The following SLC7A14 variants were observed in gnomAD, a reference collection of about 807,000 sequenced individuals.
The protein encoded by SLC7A14 is solute carrier family 7 member 14.
A neutral mutation model predicts 60.2 loss-of-function variants in SLC7A14; 37 were observed. The observed-to-expected ratio is 0.61, with a 90% CI of 0.47 to 0.81. The LOEUF is 0.81. SLC7A14 is among the 30% of genes least tolerant of loss of function. The pLI, the probability that SLC7A14 is intolerant of heterozygous loss-of-function variation, is 0.00. For missense variants in SLC7A14, 886 were observed against 982.7 expected (o/e 0.90, Z 1.32); for synonymous variants, 399 against 395.8 (o/e 1.01, Z -0.10).
chr3:170,501,205 C>T lies in SLC7A14; in HGVS notation c.445G>A (p.Ala149Thr), dbSNP rs1387220578. 6.2e-7 allele frequency: 1 copy of T among 1,614,208 alleles called. No homozygotes were observed. Among genetic ancestry groups the T allele is most frequent in the African/African-American group, 1.3e-5 (1 of 75,046 alleles). The change falls in exon 3 of 8, where the codon GCC becomes ACC. Residue 149 changes from alanine to threonine, a missense_variant. Coordinates refer to ENST00000231706, the MANE Select transcript of SLC7A14 (RefSeq NM_020949.3). ...ATGCTGCTCAGAGCACTGGCTCCGG[C>T]CGCAGTGCCAATCAGGTACTCCAGG... ...LILEYLIGTA[A>T]GASALSSMFD...
chr3:170,526,147 A>G (rs1215125891), intron 2 of SLC7A14, among the ~76,000 whole-genome samples: 1 of 151,794 alleles, frequency 6.6e-6, no homozygotes, highest in Non-Finnish European at 1.5e-5. Context: ...CATGCCTGTA[A>G]TTCCAGCACT....
chr3:170,496,731 TG>T, intron 4 of SLC7A14: 1 of 782,350 alleles, frequency 1.3e-6, no homozygotes, highest in Non-Finnish European at 2.3e-6. Context: ...TCACAAGCCC[TG>T]GCCTCAGCTA....
chr3:170,549,021 A>G (rs1217077239), intron 1 of SLC7A14, among the ~76,000 whole-genome samples: 1 of 152,184 alleles, frequency 6.6e-6, no homozygotes, highest in East Asian at 1.9e-4. Flanking sequence ...CACTTGGGAC[A>G]TAGAAATAAA....
chr3:170,582,768 T>A (rs1034424465), intron 1 of SLC7A14, among the ~76,000 whole-genome samples: 1 of 152,214 alleles, frequency 6.6e-6, no homozygotes, highest in African/African-American at 2.4e-5. Flanking sequence ...TCATTTGAAC[T>A]GAATTTGAAT....
intron 7 of SLC7A14, among the ~76,000 whole-genome samples, chr3:170,475,832 T>A (rs1711593843): frequency 6.6e-6 from 1 of 151,980 alleles, no homozygotes; most frequent in South Asian, 2.1e-4. Context: ...CCTGCCTCAG[T>A]CTCCCGAGTA....
chr3:170,495,383 G>A lies in SLC7A14; in HGVS notation c.759+3284C>T, dbSNP rs530688877. ...ACTGAGGACCAAGAAGCAGCTTCTC[G>A]GCTCCTTCTGGAATCTCTGCCTGGT... On this transcript the variant is annotated intron_variant, in intron 4 of 7. Transcript: ENST00000231706. Among the ~76,000 whole-genome samples the A allele has an allele frequency of 7.0e-4, 107 of 152,244 alleles. 1 individual carries two copies. In the South Asian group the frequency reaches 9.3e-3, roughly 13 times the overall value.
At chr3:170,534,856 A>T (rs1197038398) in intron 1 of SLC7A14, among the ~76,000 whole-genome samples, 1 of 152,224 alleles carries the variant, frequency 6.6e-6, no homozygotes, top group Non-Finnish European at 1.5e-5. Context: ...ATAGTTTCCC[A>T]TTCTGCTCCC....
intron 1 of SLC7A14, among the ~76,000 whole-genome samples, chr3:170,577,554 C>G (rs1457780688): frequency 6.9e-6 from 1 of 144,534 alleles, no homozygotes; most frequent in East Asian, 2.1e-4. Flanking sequence ...GGAAGCAGAG[C>G]TTGCAGTGAG....
chr3:170,582,631 C>A (rs1715267292), intron 1 of SLC7A14, among the ~76,000 whole-genome samples: 1 of 151,976 alleles, frequency 6.6e-6, no homozygotes, highest in Non-Finnish European at 1.5e-5. Context: ...TTAATTGGCT[C>A]TAGAGAAGGT....
intron 1 of SLC7A14, among the ~76,000 whole-genome samples, chr3:170,537,622 A>C (rs980323965): frequency 1.3e-5 from 2 of 152,174 alleles, no homozygotes; most frequent in African/African-American, 4.8e-5. Flanking sequence ...CTTTTGGAAA[A>C]ATTCTGTCCC....
intron 3 of SLC7A14, 70 bp downstream of exon 3, chr3:170,501,039 T>G (rs1460276171): frequency 1.0e-5 from 15 of 1,504,306 alleles, no homozygotes; most frequent in Non-Finnish European, 9.2e-6. Context: ...AATTGCTTTC[T>G]GAAAGGAGAA....
rs761280378 is a variant in SLC7A14 at position 170,486,316 on chromosome 3, A to G, written c.812T>C (p.Ile271Thr). The G allele has an allele frequency of 1.6e-5, 26 of 1,614,232 alleles. No individual in the cohort carries two copies. The highest frequency in any genetic ancestry group is 2.1e-5 in the Non-Finnish European group (25 of 1,180,042). The change falls in exon 5 of 8, where the codon ATC becomes ACC. Residue 271 changes from isoleucine (I) to threonine (T), a missense_variant. Ile to Thr is a moderately conservative substitution (Grantham distance 89). Coordinates refer to ENST00000231706, the MANE Select transcript of SLC7A14 (RefSeq NM_020949.3). The stretch of plus-strand genomic sequence containing the variant: ...CTTGGCTTCCTCTCCAGTGGTGGCG[A>G]TGATGTCAAAGCCAATGAAAGCGTA... The part of the protein sequence containing the change: ...CFYAFIGFDI[I>T]ATTGEEAKNP...
In SLC7A14 at chr3:170,526,854, C is replaced by A; in HGVS notation, c.83G>T (p.Arg28Leu). Residue 28 changes from arginine (R) to leucine (L), a missense_variant, in exon 2 of 8, where the codon CGC becomes CTC. Coordinates refer to ENST00000231706, the MANE Select transcript of SLC7A14 (RefSeq NM_020949.3). Reference protein sequence around the residue: ...AWYAMHSRILRTKPVESMLEG... With the variant: ...AWYAMHSRILLTKPVESMLEG... The stretch of plus-strand genomic sequence containing the variant: ...TAGCATGGACTCCACTGGTTTGGTG[C>A]GTAGGATCCTGGAGTGCATTGCATA... 6.2e-7 allele frequency: 1 copy of A among 1,614,066 alleles called. No homozygotes were observed.
In SLC7A14 at chr3:170,467,041, C is replaced by A. The variant is rs375072818; in HGVS notation, c.*14G>T. On this transcript the variant is annotated 3_prime_UTR_variant, in exon 8 of 8. Coordinates refer to ENST00000231706, the MANE Select transcript of SLC7A14 (RefSeq NM_020949.3). ...AATCAGTCATCACCATTTCTACCCA[C>A]TTGTGTGTTTCTCCTACTCTGGAGA... 4.0e-4 allele frequency: 627 copies of A among 1,577,158 alleles called. 1 individual carries two copies. The highest frequency in any genetic ancestry group is 6.8e-4 in the Middle Eastern group (4 of 5,892).
At chr3:170,561,813 C>T (rs115272778) in intron 1 of SLC7A14, among the ~76,000 whole-genome samples, 3,286 of 152,202 alleles carry the variant, frequency 0.022, 66 homozygotes, top group Non-Finnish European at 0.029. Context: ...CAAACTATCC[C>T]TTCAAAAAGT....
At position 170,486,302 on chromosome 3, in the gene SLC7A14, C is replaced by T. The variant is rs1488078781; in HGVS notation, c.826G>A (p.Glu276Lys). The change falls in exon 5 of 8, where the codon GAG (glutamate) becomes AAG (lysine). Residue 276 changes from glutamate (E) to lysine (K), a missense_variant. By Grantham distance (56) the Glu-to-Lys change is moderately conservative. Transcript: ENST00000231706. ...GACGTGTTGGGATTCTTGGCTTCCT[C>T]TCCAGTGGTGGCGATGATGTCAAAG... ...IGFDIIATTG[E>K]EAKNPNTSIP... 2 of 1,614,122 alleles carry T rather than the reference C, an allele frequency of 1.2e-6. No individual in the cohort carries two copies. Among genetic ancestry groups the T allele is most frequent in the Admixed American group, 1.7e-5 (1 of 60,010 alleles).
At chr3:170,523,496 G>A (rs1486948287) in intron 2 of SLC7A14, among the ~76,000 whole-genome samples, 1 of 152,110 alleles carries the variant, frequency 6.6e-6, no homozygotes, top group Non-Finnish European at 1.5e-5. Context: ...TAGATTATGT[G>A]ATTCAGCACA....
intron 1 of SLC7A14, among the ~76,000 whole-genome samples, chr3:170,545,124 C>T (rs541567084): frequency 2.0e-5 from 3 of 152,286 alleles, no homozygotes; most frequent in East Asian, 1.9e-4. Context: ...GCAGAGTCTG[C>T]GCTTCATAAA....
chr3:170,518,690 G>A (rs916749722), intron 2 of SLC7A14, among the ~76,000 whole-genome samples: 16 of 152,284 alleles, frequency 1.1e-4, no homozygotes, highest in African/African-American at 3.8e-4. Context: ...AATTATTTTG[G>A]TTGGGGAAAG....
Sources: gnomAD v4.1 joint callset for allele counts (sites outside exome capture counted in the v4.1 genomes callset) on GRCh38, gnomAD v4.1.1 for gene constraint, MANE v1.5 for transcripts, NCBI Gene and HGNC (gene_info 2026-07-23, HGNC 2026-07-21) for gene names.